Variants in GC observed in about 807,000 individuals in gnomAD.
The protein encoded by GC is vitamin D-binding protein.
Under a neutral mutation model 56.7 loss-of-function variants are expected in GC, and 43 were observed. That is an observed-to-expected ratio of 0.76 (90% CI 0.59 to 0.98). GC has a LOEUF of 0.98. Among genes scored for constraint, GC ranks in the 50% least tolerant of loss-of-function variants. GC has a pLI of 0.00. For missense variants in GC, 529 were observed against 545.9 expected, an observed-to-expected ratio of 0.97 and a Z score of 0.31; for synonymous variants, 216 against 202.7, an observed-to-expected ratio of 1.07 and a Z score of -0.56.
At chr4:71,751,962 G>C (rs968509807) in intron 11 of GC, among the ~76,000 whole-genome samples, 2 of 151,530 alleles carry the variant, frequency 1.3e-5, no homozygotes, top group Non-Finnish European at 2.9e-5. Flanking sequence ...TTTTTCTTAT[G>C]TCATATTAAA....
chr4:71,765,497 G>T lies in GC; in HGVS notation c.408C>A (p.Tyr136Ter). ...AGATTTCATCATTTGTGGGTTCCAC[G>T]TAGGTAGGGAATTCCTGTGGCTGGT... is the stretch of plus-strand genomic sequence containing the variant. Reference protein sequence around the residue: ...LKHQPQEFPTYVEPTNDEICE... With the variant: ...LKHQPQEFPT The change falls in exon 4 of 13, where the codon TAC (tyrosine) becomes TAA (stop). Residue 136 changes from tyrosine to a stop codon, truncating the protein, a stop_gained. Transcript: ENST00000273951. LOFTEE classifies it high-confidence loss of function. The T allele has an allele frequency of 6.2e-7, 1 of 1,613,944 alleles. No individual in the cohort carries two copies. The highest frequency in any genetic ancestry group is 8.5e-7 in the Non-Finnish European group (1 of 1,179,950).
intron 11 of GC, among the ~76,000 whole-genome samples, chr4:71,748,123 G>A (rs2298851): frequency 0.046 from 6,969 of 152,166 alleles, 391 homozygotes; most frequent in East Asian, 0.19. Context: ...ATCTGTAAAA[G>A]GGGGAATTAA....
At position 71,793,837 on chromosome 4, in the gene GC, C is replaced by T. The variant is rs1743028856; in HGVS notation, c.22-9783G>A. ...TATTGTGAGATACGTTCCATCAATA[C>T]CTAGTTTATTGAGCGTTTTTAGCAT... On this transcript the variant is annotated intron_variant, in intron 1 of 13. Coordinates refer to the GC transcript ENST00000504199. Among the ~76,000 whole-genome samples, 3 of 152,072 alleles carry T rather than the reference C, an allele frequency of 2.0e-5. 1 individual carries two copies. The highest frequency in any genetic ancestry group is 7.2e-5 in the African/African-American group (3 of 41,392).
At chr4:71,792,841 G>C (rs1743005358) in intron 1 of GC, among the ~76,000 whole-genome samples, 1 of 152,158 alleles carries the variant, frequency 6.6e-6, no homozygotes. Flanking sequence ...TTTTGTGTAA[G>C]GTGTAAGGAA....
intron 3 of GC, among the ~76,000 whole-genome samples, chr4:71,766,926 A>T (rs705124): frequency 6.6e-6 from 1 of 152,138 alleles, no homozygotes; most frequent in Admixed American, 6.5e-5. Context: ...TATCAATGCC[A>T]TATCTGTTTT....
At chr4:71,746,772 TAAAAA>T (rs34865299) in intron 11 of GC, among the ~76,000 whole-genome samples, 6 of 100,660 alleles carry the variant, frequency 6.0e-5, no homozygotes, top group African/African-American at 8.4e-5. Context: ...CTCTATTTTG[TAAAAA>T]AAAAAAAAAA....
intron 1 of GC, among the ~76,000 whole-genome samples, chr4:71,782,791 C>T (rs548385454): frequency 5.9e-5 from 9 of 151,822 alleles, no homozygotes; most frequent in African/African-American, 1.9e-4. Flanking sequence ...TCAGATCTGC[C>T]CCAGCAAATC....
intron 12 of GC, among the ~76,000 whole-genome samples, chr4:71,744,775 C>T (rs1199183153): frequency 6.6e-6 from 1 of 152,062 alleles, no homozygotes; most frequent in Non-Finnish European, 1.5e-5. Flanking sequence ...GATTTTAACT[C>T]TTTGGAGATT....
chr4:71,748,966 C>T (rs899861846), intron 11 of GC, among the ~76,000 whole-genome samples: 24 of 151,896 alleles, frequency 1.6e-4, no homozygotes, highest in African/African-American at 5.6e-4. Context: ...AAATTAGGAT[C>T]CAAATATTAT....
rs372126106 is a variant in GC at position 71,770,739 on chromosome 4, A to C, written c.59-1339T>G. On this transcript the variant is annotated intron_variant, in intron 1 of 12. Coordinates refer to ENST00000273951, the MANE Select transcript of GC (RefSeq NM_000583.4). Reference sequence around the variant, plus strand: ...TGTGTCTTCCTTTCCCACCACAGGCAATAGAACTGAAACAGGCCTGAATGG... The same window carrying C: ...TGTGTCTTCCTTTCCCACCACAGGCCATAGAACTGAAACAGGCCTGAATGG... Among the ~76,000 whole-genome samples, 5 of 152,282 alleles carry C rather than the reference A, an allele frequency of 3.3e-5. No homozygotes were observed. In the East Asian group the frequency reaches 5.8e-4, roughly 18 times the overall value.
chr4:71,799,928 G>C (rs1443179853), intron 1 of GC, among the ~76,000 whole-genome samples: 1 of 152,106 alleles, frequency 6.6e-6, no homozygotes, highest in South Asian at 2.1e-4. Flanking sequence ...TCAAACACTG[G>C]CCTCAGGAGC....
chr4:71,795,145 GT>G (rs1743066177), intron 1 of GC, among the ~76,000 whole-genome samples: 1 of 152,154 alleles, frequency 6.6e-6, no homozygotes, highest in Non-Finnish European at 1.5e-5. Context: ...TTGATTTGGG[GT>G]GGAGAGTTCT....
At chr4:71,781,435 CA>C (rs752651212) in intron 1 of GC, among the ~76,000 whole-genome samples, 14 of 150,616 alleles carry the variant, frequency 9.3e-5, no homozygotes, top group African/African-American at 2.4e-4. Context: ...GAAAAAAATG[CA>C]AAAAAAATAT....
chr4:71,758,007 G>T (rs748820548), intron 7 of GC, 35 bp downstream of exon 7: 29 of 1,597,806 alleles, frequency 1.8e-5, no homozygotes, highest in Non-Finnish European at 2.5e-5. Flanking sequence ...TCAATACCTG[G>T]CACATGGTGA....
chr4:71,770,327 C>G (rs901227811), intron 1 of GC, among the ~76,000 whole-genome samples: 4 of 152,126 alleles, frequency 2.6e-5, no homozygotes, highest in East Asian at 1.9e-4. Context: ...AGCTCTACCC[C>G]CAACAAAGTG....
At chr4:71,795,363 T>C (rs1040729551) in intron 1 of GC, among the ~76,000 whole-genome samples, 2 of 152,348 alleles carry the variant, frequency 1.3e-5, no homozygotes, top group Non-Finnish European at 2.9e-5. Flanking sequence ...GCATACATAT[T>C]TAGCATAGTT....
chr4:71,791,721 G>A (rs767088273), intron 1 of GC, among the ~76,000 whole-genome samples: 2 of 151,476 alleles, frequency 1.3e-5, no homozygotes, highest in African/African-American at 4.9e-5. Flanking sequence ...CAATGTGCAG[G>A]TTTGTTACAT....
intron 5 of GC, 79 bp downstream of exon 5, chr4:71,763,725 C>T (rs112666317): frequency 2.3e-6 from 3 of 1,286,714 alleles, no homozygotes; most frequent in African/African-American, 3.0e-5. Context: ...ATTGCAAAAT[C>T]TCAATTTCTA....
intron 1 of GC, among the ~76,000 whole-genome samples, chr4:71,799,360 G>A (rs2149311009): frequency 6.6e-6 from 1 of 152,266 alleles, no homozygotes; most frequent in Non-Finnish European, 1.5e-5. Context: ...CCCAAGATGG[G>A]CAGGATGACA....
Sources: gnomAD v4.1 joint callset for allele counts (sites outside exome capture counted in the v4.1 genomes callset) on GRCh38, gnomAD v4.1.1 for gene constraint, MANE v1.5 for transcripts, NCBI Gene and HGNC (gene_info 2026-07-23, HGNC 2026-07-21) for gene names.